The following POU2F1 variants were observed in gnomAD, a reference collection of about 807,000 sequenced individuals.
The protein encoded by POU2F1 is POU domain, class 2, transcription factor 1.
In POU2F1, 16 loss-of-function variants were observed where a neutral mutation model predicts 84.9. That is an observed-to-expected ratio of 0.19 (90% CI 0.13 to 0.29). The LOEUF (loss-of-function observed/expected upper bound fraction) is 0.29. Ranked by LOEUF, POU2F1 falls within the 10% of genes least tolerant of loss-of-function variation. The pLI is 1.00. For synonymous variants in POU2F1, 368 were observed against 368.3 expected (o/e 1.00, Z 0.01); for missense variants, 738 against 942.6 (o/e 0.78, Z 2.84).
chr1:167,272,629 C>T (rs1207398815), intron 1 of POU2F1, among the ~76,000 whole-genome samples: 1 of 152,052 alleles, frequency 6.6e-6, no homozygotes, highest in Non-Finnish European at 1.5e-5. Context: ...GTAGGAGGGG[C>T]TACACACTTT....
At chr1:167,274,294 A>G (rs1652571767) in intron 1 of POU2F1, among the ~76,000 whole-genome samples, 1 of 152,130 alleles carries the variant, frequency 6.6e-6, no homozygotes, top group Non-Finnish European at 1.5e-5. Flanking sequence ...CTTTAGGTAA[A>G]GTTTAAGGGG....
intron 2 of POU2F1, among the ~76,000 whole-genome samples, chr1:167,363,017 T>C (rs1203950225): frequency 6.6e-6 from 1 of 152,062 alleles, no homozygotes; most frequent in Non-Finnish European, 1.5e-5. Context: ...TAAGAACATT[T>C]TACAATACAG....
At chr1:167,300,188 C>T (rs190419248) in intron 1 of POU2F1, among the ~76,000 whole-genome samples, 1 of 152,168 alleles carries the variant, frequency 6.6e-6, no homozygotes, top group Admixed American at 6.5e-5. Context: ...CACATTTTCT[C>T]ACTTGTAAGT....
At chr1:167,236,236 G>A (rs2102355226) in intron 1 of POU2F1, among the ~76,000 whole-genome samples, 1 of 151,912 alleles carries the variant, frequency 6.6e-6, no homozygotes, top group South Asian at 2.1e-4. Flanking sequence ...CTGAGGAGCT[G>A]GGATTACAGG....
At chr1:167,388,847 A>G (rs1276157438) in intron 8 of POU2F1, among the ~76,000 whole-genome samples, 1 of 152,204 alleles carries the variant, frequency 6.6e-6, no homozygotes, top group Non-Finnish European at 1.5e-5. Context: ...CTTAGAGAGT[A>G]TGTGTGCCTG....
chr1:167,221,444 G>T (rs1648166533), intron 1 of POU2F1, among the ~76,000 whole-genome samples: 1 of 149,480 alleles, frequency 6.7e-6, no homozygotes, highest in Non-Finnish European at 1.5e-5. Flanking sequence ...CGGGGTGGGG[G>T]GCGTGAAGGG....
intron 13 of POU2F1, 86 bp downstream of exon 13, chr1:167,401,642 T>C (rs904878212): frequency 1.7e-5 from 13 of 759,798 alleles, no homozygotes; most frequent in Non-Finnish European, 2.5e-5. Context: ...AAATTGTGAA[T>C]TAAGGCCCTA....
At chr1:167,392,583 T>C (rs1571430392) in intron 9 of POU2F1, among the ~76,000 whole-genome samples, 1 of 152,214 alleles carries the variant, frequency 6.6e-6, no homozygotes, top group East Asian at 1.9e-4. Flanking sequence ...TGGTTTGCCT[T>C]TCTGCATTTG....
At chr1:167,316,351 A>G (rs1277378434) in intron 1 of POU2F1, among the ~76,000 whole-genome samples, 1 of 152,238 alleles carries the variant, frequency 6.6e-6, no homozygotes, top group East Asian at 1.9e-4. Flanking sequence ...AAAAAGTCAA[A>G]AACAAAAGAG....
chr1:167,237,399 C>T (rs1197892048), intron 1 of POU2F1, among the ~76,000 whole-genome samples: 3 of 152,176 alleles, frequency 2.0e-5, no homozygotes, highest in Admixed American at 2.0e-4. Flanking sequence ...AAACAGGTTA[C>T]AGTAACAGCC....
intron 1 of POU2F1, among the ~76,000 whole-genome samples, chr1:167,232,733 C>T (rs1269729675): frequency 6.6e-6 from 1 of 151,924 alleles, no homozygotes; most frequent in Admixed American, 6.5e-5. Flanking sequence ...ATCCCAGCTA[C>T]TCGGGAGGCT....
intron 1 of POU2F1, among the ~76,000 whole-genome samples, chr1:167,226,580 G>A (rs1341755759): frequency 6.6e-6 from 1 of 152,198 alleles, no homozygotes; most frequent in Non-Finnish European, 1.5e-5. Flanking sequence ...AACAAAAATA[G>A]CCTGAGTAGA....
intron 1 of POU2F1, among the ~76,000 whole-genome samples, chr1:167,258,139 A>G (rs1057103662): frequency 6.6e-6 from 1 of 152,184 alleles, no homozygotes; most frequent in African/African-American, 2.4e-5. Context: ...GCTGATTCTC[A>G]TGCCCCCACT....
intron 2 of POU2F1, among the ~76,000 whole-genome samples, chr1:167,337,542 T>G (rs1323804939): frequency 6.6e-6 from 1 of 151,964 alleles, no homozygotes; most frequent in African/African-American, 2.4e-5. Context: ...AATGTCAGGA[T>G]AACGGAAGAA....
At chr1:167,256,478 A>T (rs1346221238) in intron 1 of POU2F1, among the ~76,000 whole-genome samples, 2 of 151,606 alleles carry the variant, frequency 1.3e-5, no homozygotes. Context: ...AGACTAGATG[A>T]TGGAGATAAC....
At chr1:167,267,630 C>CTTTT (rs71073658) in intron 1 of POU2F1, among the ~76,000 whole-genome samples, 4,182 of 70,294 alleles carry the variant, frequency 0.059, 634 homozygotes, top group African/African-American at 0.077. Context: ...GTTACTGTGT[C>CTTTT]TTTTTTTTTT....
intron 9 of POU2F1, among the ~76,000 whole-genome samples, chr1:167,391,998 AATTATC>A (rs532305697): frequency 1.6e-3 from 239 of 152,286 alleles, no homozygotes; most frequent in Middle Eastern, 3.4e-3. Flanking sequence ...TGAAGAAGCA[AATTATC>A]CAGAAACATT....
intron 2 of POU2F1, among the ~76,000 whole-genome samples, chr1:167,342,411 T>C (rs1657919907): frequency 6.6e-6 from 1 of 152,204 alleles, no homozygotes; most frequent in African/African-American, 2.4e-5. Flanking sequence ...AGTGATGTTA[T>C]TAATTCTTTG....
At chr1:167,396,478 G>C in intron 10 of POU2F1, 51 bp downstream of exon 10, 1 of 1,560,738 alleles carries the variant, frequency 6.4e-7, no homozygotes, top group Non-Finnish European at 8.8e-7. Context: ...ATTTTACATG[G>C]GGATTGTTAT....
Sources: gnomAD v4.1 joint callset for allele counts (sites outside exome capture counted in the v4.1 genomes callset) on GRCh38, gnomAD v4.1.1 for gene constraint, MANE v1.5 for transcripts, NCBI Gene and HGNC (gene_info 2026-07-23, HGNC 2026-07-21) for gene names.